The following KIAA0930 variants were observed in gnomAD, a reference collection of about 807,000 sequenced individuals.
KIAA0930 encodes uncharacterized protein KIAA0930.
In KIAA0930, 24 loss-of-function variants were observed where a neutral mutation model predicts 43.9. That is an observed-to-expected ratio of 0.55 (90% CI 0.40 to 0.77). The LOEUF (loss-of-function observed/expected upper bound fraction) is 0.77, where lower values mean the gene tolerates loss of function less well. KIAA0930 is among the 30% of genes least tolerant of loss of function. The pLI, the probability that KIAA0930 is intolerant of heterozygous loss-of-function variation, is 0.00. For missense variants in KIAA0930, 461 were observed against 574.2 expected (o/e 0.80, Z 2.02); for synonymous variants, 259 against 216.4 (o/e 1.20, Z -1.73).
At chr22:45,200,905 G>A (rs779966540) in intron 7 of KIAA0930, 6 of 475,458 alleles carry the variant, frequency 1.3e-5, no homozygotes, top group South Asian at 7.7e-5. Flanking sequence ...AAGGCTTCCT[G>A]GAGGAGATGC....
chr22:45,200,976 G>A (rs1192845661), intron 7 of KIAA0930: 1 of 525,596 alleles, frequency 1.9e-6, no homozygotes, highest in Non-Finnish European at 3.9e-6. Context: ...GGGGGGAAGG[G>A]CGTTCCAGCC....
chr22:45,201,491 C>A (rs1486543464), intron 7 of KIAA0930, among the ~76,000 whole-genome samples: 1 of 150,570 alleles, frequency 6.6e-6, no homozygotes, highest in Non-Finnish European at 1.5e-5. Context: ...GGAGGTGGCA[C>A]CCGGGTTTGT....
chr22:45,230,580 CTTTTTTTTTTTTTT>C (rs796595254), intron 1 of KIAA0930, among the ~76,000 whole-genome samples: 3,149 of 128,692 alleles, frequency 0.024, 110 homozygotes, highest in African/African-American at 0.085. Context: ...AGATCACATT[CTTTTTTTTTTTTTT>C]TTTTTGAGAC....
chr22:45,210,826 C>CTGCCTGCCCGAGTGTGGCTCTA (rs1555898917), intron 2 of KIAA0930, among the ~76,000 whole-genome samples: 17 of 151,664 alleles, frequency 1.1e-4, no homozygotes, highest in Non-Finnish European at 2.1e-4. Context: ...CCTGCACACC[C>CTGCCTGCCCGAGTGTGGCTCTA]GCCACTGAAA....
intron 7 of KIAA0930, among the ~76,000 whole-genome samples, chr22:45,202,279 C>T (rs1344846721): frequency 6.6e-6 from 1 of 152,244 alleles, no homozygotes; most frequent in Non-Finnish European, 1.5e-5. Context: ...CCTTCTCCTG[C>T]CTGTGCCCCA....
intron 1 of KIAA0930, among the ~76,000 whole-genome samples, chr22:45,237,803 T>C (rs1211626956): frequency 2.0e-5 from 3 of 152,168 alleles, no homozygotes; most frequent in African/African-American, 7.2e-5. Context: ...CCGGGGCTGG[T>C]GTTCTGGCTC....
Position 45,205,778 on chromosome 22 carries a change from C to CA in KIAA0930, c.336+14dup. The CA allele has an allele frequency of 2.0e-6, 3 of 1,513,558 alleles. No homozygotes were observed. The highest frequency in any genetic ancestry group is 2.7e-6 in the Non-Finnish European group (3 of 1,098,076). The allele number at this position is 1,513,558 out of a possible 1,614,324, so 93.8% of individuals were successfully genotyped here. A position where few individuals can be genotyped will look rare whatever the true frequency, so the allele number is the denominator to read the frequency against. Reference sequence around the variant, plus strand: ...CACAGGGCCAATCCGCAGCCCCACCCATCCCACCCCATACCTTCTGCAGGA... The same window carrying CA: ...CACAGGGCCAATCCGCAGCCCCACCCAATCCCACCCCATACCTTCTGCAGGA... On this transcript the variant is annotated intron_variant, in intron 3 of 9. Transcript: ENST00000336156.
intron 1 of KIAA0930, chr22:45,226,303 C>G (rs1172462014): frequency 4.2e-6 from 2 of 471,168 alleles, no homozygotes; most frequent in Non-Finnish European, 8.8e-6. Flanking sequence ...ACCTTCAAGT[C>G]CGGGCACCTG....
chr22:45,208,528 A>G (rs1028444471), intron 2 of KIAA0930, among the ~76,000 whole-genome samples: 1 of 150,908 alleles, frequency 6.6e-6, no homozygotes, highest in African/African-American at 2.4e-5. Context: ...CCGACTCCAC[A>G]TGCAGGAGCT....
At chr22:45,202,081 T>G (rs1404925660) in intron 7 of KIAA0930, among the ~76,000 whole-genome samples, 1 of 152,256 alleles carries the variant, frequency 6.6e-6, no homozygotes, top group Non-Finnish European at 1.5e-5. Flanking sequence ...CCCAAGGTTA[T>G]GAGAGCAGCA....
At chr22:45,237,764 G>GT (rs1368167095) in intron 1 of KIAA0930, among the ~76,000 whole-genome samples, 1 of 152,188 alleles carries the variant, frequency 6.6e-6, no homozygotes, top group Non-Finnish European at 1.5e-5. Context: ...GCTTGAGAGT[G>GT]TTGATGATTC....
chr22:45,201,627 T>C (rs907811219), intron 7 of KIAA0930, among the ~76,000 whole-genome samples: 2 of 152,084 alleles, frequency 1.3e-5, no homozygotes, highest in African/African-American at 4.8e-5. Context: ...AACTCAGAAA[T>C]ATAAACCACC....
At chr22:45,201,004 T>C in intron 7 of KIAA0930, 1 of 532,794 alleles carries the variant, frequency 1.9e-6, no homozygotes, top group South Asian at 1.4e-5. Context: ...ACTTGGCCCA[T>C]CTCCTCCCTC....
intron 2 of KIAA0930, among the ~76,000 whole-genome samples, chr22:45,208,556 C>CACCGACTCCA (rs1569075768): frequency 5.3e-5 from 8 of 152,162 alleles, no homozygotes; most frequent in Non-Finnish European, 8.8e-5. Context: ...CAGGCAGAAC[C>CACCGACTCCA]CGCCCGGGAA....
At chr22:45,231,729 G>A (rs2083854907) in intron 1 of KIAA0930, among the ~76,000 whole-genome samples, 1 of 152,200 alleles carries the variant, frequency 6.6e-6, no homozygotes, top group African/African-American at 2.4e-5. Flanking sequence ...AGGCGCAGTG[G>A]CTTATGCCTG....
At chr22:45,219,027 A>C (rs2083751070) in intron 1 of KIAA0930, among the ~76,000 whole-genome samples, 1 of 148,842 alleles carries the variant, frequency 6.7e-6, no homozygotes, top group South Asian at 2.1e-4. Flanking sequence ...ATGGTTCTTC[A>C]GATGCACACT....
At chr22:45,205,519 C>T in intron 4 of KIAA0930, 111 bp downstream of exon 4, 1 of 1,090,024 alleles carries the variant, frequency 9.2e-7, no homozygotes, top group South Asian at 1.4e-5. Flanking sequence ...TTTCTGGAGT[C>T]AGACCCCTCA....
At chr22:45,221,647 G>A (rs1456491461) in intron 1 of KIAA0930, among the ~76,000 whole-genome samples, 1 of 152,194 alleles carries the variant, frequency 6.6e-6, no homozygotes, top group Non-Finnish European at 1.5e-5. Flanking sequence ...AAGCAAGGTG[G>A]TATCAGTACA....
chr22:45,215,985 G>C (rs1174400635), intron 1 of KIAA0930, among the ~76,000 whole-genome samples: 4 of 151,440 alleles, frequency 2.6e-5, no homozygotes, highest in Admixed American at 2.6e-4. Flanking sequence ...CCGAGATCGC[G>C]CCACTGCTCT....
Sources: gnomAD v4.1 joint callset for allele counts (sites outside exome capture counted in the v4.1 genomes callset) on GRCh38, gnomAD v4.1.1 for gene constraint, MANE v1.5 for transcripts, NCBI Gene and HGNC (gene_info 2026-07-23, HGNC 2026-07-21) for gene names.